Variants in TYW1 observed in about 807,000 individuals in gnomAD.
The protein encoded by TYW1 is tRNA-yW synthesizing protein 1 homolog.
Under a neutral mutation model 96.2 loss-of-function variants are expected in TYW1, and 46 were observed. That is an observed-to-expected ratio of 0.48 (90% confidence interval 0.38 to 0.61). TYW1 has a LOEUF of 0.61. TYW1 is among the 20% of genes least tolerant of loss of function. The probability of loss-of-function intolerance (pLI) is 0.00; values close to 1 mark genes in which losing one functional copy is unlikely to be tolerated. For missense variants in TYW1, 684 were observed against 909.6 expected, an observed-to-expected ratio of 0.75 and a Z score of 3.19; for synonymous variants, 274 against 323.0, an observed-to-expected ratio of 0.85 and a Z score of 1.63.
At chr7:67,211,890 A>T (rs1047129891) in intron 15 of TYW1, among the ~76,000 whole-genome samples, 2 of 152,210 alleles carry the variant, frequency 1.3e-5, no homozygotes, top group African/African-American at 2.4e-5. Flanking sequence ...CCCTTCAGCG[A>T]GATTATTTCA....
intron 13 of TYW1, among the ~76,000 whole-genome samples, chr7:67,144,179 G>T (rs1311835078): frequency 6.6e-6 from 1 of 152,196 alleles, no homozygotes; most frequent in Admixed American, 6.5e-5. Context: ...GTGACTTAAA[G>T]ACTTTTTTCA....
chr7:67,093,304 T>C (rs1309962191), intron 11 of TYW1, among the ~76,000 whole-genome samples: 1 of 152,264 alleles, frequency 6.6e-6, no homozygotes, highest in South Asian at 2.1e-4. Context: ...TTAATTGTTA[T>C]AATAGCTGTA....
At chr7:67,012,359 G>T (rs892349650) in intron 4 of TYW1, among the ~76,000 whole-genome samples, 1 of 151,758 alleles carries the variant, frequency 6.6e-6, no homozygotes, top group Non-Finnish European at 1.5e-5. Context: ...AAAAAAAACC[G>T]CAAAAAGGCA....
intron 7 of TYW1, among the ~76,000 whole-genome samples, chr7:67,029,644 C>T (rs962367250): frequency 6.6e-5 from 10 of 151,256 alleles, no homozygotes; most frequent in African/African-American, 1.5e-4. Flanking sequence ...ACTTTTTTGC[C>T]GGAATGACTC....
chr7:67,184,627 ATTTTATTTTAT>A (rs1799946235), intron 14 of TYW1, among the ~76,000 whole-genome samples: 1 of 94,854 alleles, frequency 1.1e-5, no homozygotes, highest in Non-Finnish European at 1.9e-5. Context: ...ATTTTATTTT[ATTTTATTTTAT>A]TTTATTTTAT....
chr7:67,192,643 G>A (rs537365836), intron 14 of TYW1, among the ~76,000 whole-genome samples: 1 of 152,240 alleles, frequency 6.6e-6, no homozygotes, highest in African/African-American at 2.4e-5. Context: ...TCGTAATGAT[G>A]TCTTGAACCA....
chr7:67,172,028 A>C (rs1327071054), intron 13 of TYW1, among the ~76,000 whole-genome samples: 1 of 152,068 alleles, frequency 6.6e-6, no homozygotes, highest in East Asian at 1.9e-4. Flanking sequence ...GAAAATCTTT[A>C]TCTTTTTGAG....
intron 11 of TYW1, among the ~76,000 whole-genome samples, chr7:67,087,476 T>G (rs1796582646): frequency 6.6e-6 from 1 of 152,146 alleles, no homozygotes; most frequent in Admixed American, 6.6e-5. Flanking sequence ...TGAGTAGGCA[T>G]TAGAATGCAT....
chr7:67,131,335 G>A (rs932913967), intron 13 of TYW1, among the ~76,000 whole-genome samples: 4 of 152,122 alleles, frequency 2.6e-5, no homozygotes, highest in Non-Finnish European at 5.9e-5. Context: ...TCATTTTTGT[G>A]TATATGATTA....
In TYW1 at chr7:67,201,307, A is replaced by AAAC. The variant is rs200234600; in HGVS notation, c.1977+6006_1977+6008dup. ...AGAGTGAGACCCTCCTCCATTTCTA[A>AAAC]AACAACAACAACAACAACAACAACA... On this transcript the variant is annotated intron_variant, in intron 15 of 15. Transcript: ENST00000359626. Among the ~76,000 whole-genome samples the AAAC allele has an allele frequency of 8.1e-3, 920 of 113,790 alleles. 125 individuals are homozygous for AAAC. Among genetic ancestry groups the AAAC allele is most frequent in the South Asian group, 0.025 (87 of 3,426 alleles). The allele number at this position is 113,790 out of a possible 152,430, so 74.7% of individuals were successfully genotyped here. A position where few individuals can be genotyped will look rare whatever the true frequency, so the allele number is the denominator to read the frequency against.
intron 13 of TYW1, among the ~76,000 whole-genome samples, chr7:67,151,179 T>C (rs1457178050): frequency 2.6e-5 from 4 of 152,102 alleles, no homozygotes; most frequent in Non-Finnish European, 5.9e-5. Context: ...GCCTCCCGAA[T>C]AGCTGGAATT....
chr7:67,174,002 A>G (rs1253845249), intron 13 of TYW1, among the ~76,000 whole-genome samples: 1 of 140,430 alleles, frequency 7.1e-6, no homozygotes. Context: ...TTGCTTACAT[A>G]CAAGTGGCAA....
At chr7:67,180,424 A>ATATATATAT (rs1341437613) in intron 13 of TYW1, among the ~76,000 whole-genome samples, 10 of 81,914 alleles carry the variant, frequency 1.2e-4, no homozygotes, top group Admixed American at 2.4e-4. Context: ...ATATATATAT[A>ATATATATAT]ATTTTTTTTT....
intron 6 of TYW1, 82 bp downstream of exon 6, chr7:67,018,225 A>G (rs1794096287): frequency 5.3e-6 from 8 of 1,516,922 alleles, no homozygotes; most frequent in African/African-American, 4.1e-5. Context: ...TCAATAAACC[A>G]TCTCGTTGGC....
At chr7:67,066,219 A>G (rs1482313359) in intron 9 of TYW1, among the ~76,000 whole-genome samples, 1 of 152,014 alleles carries the variant, frequency 6.6e-6, no homozygotes, top group African/African-American at 2.4e-5. Context: ...TTAGTACCCT[A>G]CCTGTCCCAC....
chr7:67,233,226 C>T (rs1305641255), intron 15 of TYW1, among the ~76,000 whole-genome samples: 2 of 130,284 alleles, frequency 1.5e-5, no homozygotes, highest in Non-Finnish European at 3.3e-5. Context: ...AATGTTCTTA[C>T]TGTCATTTTA....
intron 15 of TYW1, among the ~76,000 whole-genome samples, chr7:67,197,622 A>G (rs904395038): frequency 2.0e-5 from 3 of 152,252 alleles, no homozygotes; most frequent in Non-Finnish European, 2.9e-5. Flanking sequence ...CACCATGCCC[A>G]GTCTGAGCTC....
At chr7:67,131,403 A>G (rs115810189) in intron 13 of TYW1, among the ~76,000 whole-genome samples, 5,131 of 152,310 alleles carry the variant, frequency 0.034, 256 homozygotes, top group African/African-American at 0.12. Context: ...CACTATAACT[A>G]TAGTCTAGCT....
At chr7:67,176,840 AG>A (rs1799688403) in intron 13 of TYW1, among the ~76,000 whole-genome samples, 1 of 152,058 alleles carries the variant, frequency 6.6e-6, no homozygotes. Flanking sequence ...TTTTAGGAAA[AG>A]GGTTGGGGAG....
Sources: gnomAD v4.1 joint callset for allele counts (sites outside exome capture counted in the v4.1 genomes callset) on GRCh38, gnomAD v4.1.1 for gene constraint, MANE v1.5 for transcripts, NCBI Gene and HGNC (gene_info 2026-07-23, HGNC 2026-07-21) for gene names.